KLF7: variants seen among roughly 807,000 people sequenced by gnomAD.
KLF7 encodes KLF transcription factor 7.
Under a neutral mutation model 27.3 loss-of-function variants are expected in KLF7, and 2 were observed. The observed-to-expected ratio is 0.07, with a 90% CI of 0.03 to 0.23. The LOEUF (loss-of-function observed/expected upper bound fraction) is 0.23, where lower values mean the gene tolerates loss of function less well. KLF7 is among the 10% of genes least tolerant of loss of function. The pLI is 1.00. For synonymous variants in KLF7, 165 were observed against 162.4 expected (o/e 1.02, Z -0.12); for missense variants, 221 against 394.1 (o/e 0.56, Z 3.72).
intron 1 of KLF7, among the ~76,000 whole-genome samples, chr2:207,141,158 T>C (rs141114031): frequency 1.3e-5 from 2 of 152,222 alleles, no homozygotes; most frequent in Non-Finnish European, 2.9e-5. Flanking sequence ...AAATTTCTCA[T>C]GACCAAATCT....
chr2:207,139,112 C>A (rs1051708847), intron 1 of KLF7, among the ~76,000 whole-genome samples: 1 of 152,168 alleles, frequency 6.6e-6, no homozygotes, highest in Non-Finnish European at 1.5e-5. Flanking sequence ...GGTACTGAAT[C>A]AGAGACCTGT....
intron 1 of KLF7, 41 bp downstream of exon 1, chr2:207,165,425 GC>G (rs1425476309): frequency 1.2e-6 from 2 of 1,613,022 alleles, no homozygotes; most frequent in Admixed American, 3.3e-5. Flanking sequence ...CTGCGTCTCC[GC>G]CGCCACCACA....
At chr2:207,136,889 G>A (rs538897037) in intron 1 of KLF7, among the ~76,000 whole-genome samples, 4 of 152,130 alleles carry the variant, frequency 2.6e-5, no homozygotes, top group Non-Finnish European at 4.4e-5. Flanking sequence ...TCCTCAGTGC[G>A]AGTTTTTACA....
rs2076232563 is a variant in KLF7 at position 207,079,481 on chromosome 2, G to A, written c.*1732C>T. 1 of 152,218 alleles carries A rather than the reference G, an allele frequency of 6.6e-6. No homozygotes were observed. The highest frequency in any genetic ancestry group is 1.5e-5 in the Non-Finnish European group (1 of 68,068). 9.4% of individuals were successfully genotyped at this position (152,218 alleles called of 1,614,324 possible). On this transcript the variant is annotated 3_prime_UTR_variant, in exon 4 of 4. Coordinates refer to ENST00000309446, the MANE Select transcript of KLF7 (RefSeq NM_003709.4). ...TTGTTTTATAGACGTGTCTTGAAGG[G>A]ATGGTCCCAGAATATACAAAATATA...
chr2:207,101,335 T>C (rs2076760433), intron 2 of KLF7, among the ~76,000 whole-genome samples: 1 of 152,138 alleles, frequency 6.6e-6, no homozygotes, highest in Admixed American at 6.5e-5. Context: ...ACAAAGAACA[T>C]GAGACTCAAT....
rs949376028 is a variant in KLF7 at position 207,074,409 on chromosome 2, G to T, written c.*6804C>A. 2.0e-5 allele frequency: 3 copies of T among 152,156 alleles called. No individual in the cohort carries two copies. The highest frequency in any genetic ancestry group is 2.9e-5 in the Non-Finnish European group (2 of 68,078). 9.4% of individuals were successfully genotyped at this position (152,156 alleles called of 1,614,324 possible). ...CTGGTGATGCTCTTTCCTGGAAGTC[G>T]TGTGTGGCAGAGATTTTAGTACTTT... is the stretch of plus-strand genomic sequence containing the variant. On this transcript the variant is annotated 3_prime_UTR_variant, in exon 4 of 4. Coordinates refer to ENST00000309446, the MANE Select transcript of KLF7 (RefSeq NM_003709.4).
intron 3 of KLF7, among the ~76,000 whole-genome samples, chr2:207,086,589 A>C (rs571165711): frequency 8.5e-5 from 13 of 152,192 alleles, no homozygotes; most frequent in Non-Finnish European, 1.9e-4. Flanking sequence ...CAAATCACCC[A>C]TCTCTGACAT....
chr2:207,112,481 A>AAC (rs2077064531), intron 2 of KLF7, among the ~76,000 whole-genome samples: 3 of 152,188 alleles, frequency 2.0e-5, no homozygotes, highest in Non-Finnish European at 4.4e-5. Context: ...GTGATAGGGT[A>AAC]TGGTGGATCT....
At chr2:207,136,683 T>C (rs1045595024) in intron 1 of KLF7, among the ~76,000 whole-genome samples, 2 of 152,172 alleles carry the variant, frequency 1.3e-5, no homozygotes, top group African/African-American at 4.8e-5. Context: ...ATTTAGTGTA[T>C]GTACCAGTGA....
chr2:207,098,475 A>G (rs1368825814), intron 2 of KLF7, among the ~76,000 whole-genome samples: 1 of 152,160 alleles, frequency 6.6e-6, no homozygotes, highest in East Asian at 1.9e-4. Flanking sequence ...ATTCAATTTG[A>G]TGTATTAAAT....
chr2:207,106,072 T>C (rs1403151690), intron 2 of KLF7, among the ~76,000 whole-genome samples: 2 of 152,230 alleles, frequency 1.3e-5, no homozygotes, highest in South Asian at 2.1e-4. Context: ...ATTAGTATGA[T>C]TAATTACTTT....
At chr2:207,167,084 G>C (rs2078738174), upstream of KLF7, 2 of 1,371,994 alleles carry the variant, frequency 1.5e-6, no homozygotes, top group Non-Finnish European at 1.9e-6. Flanking sequence ...AGGTAGACGT[G>C]GGGCGCAAGC....
intron 1 of KLF7, among the ~76,000 whole-genome samples, chr2:207,153,173 G>C (rs559854815): frequency 8.5e-4 from 129 of 152,206 alleles, no homozygotes; most frequent in African/African-American, 2.7e-3. Context: ...TACACACCGA[G>C]ATGATGTTAA....
intron 1 of KLF7, among the ~76,000 whole-genome samples, chr2:207,146,072 C>T (rs1200518524): frequency 6.6e-6 from 1 of 152,200 alleles, no homozygotes; most frequent in Non-Finnish European, 1.5e-5. Flanking sequence ...CCTGCTCCAG[C>T]AAGGGCCAGT....
intron 1 of KLF7, among the ~76,000 whole-genome samples, chr2:207,161,009 A>G (rs1426786315): frequency 6.6e-6 from 1 of 152,186 alleles, no homozygotes; most frequent in Non-Finnish European, 1.5e-5. Context: ...TTTTCCCCCT[A>G]CTAAGGACAG....
chr2:207,162,566 T>C (rs1460857321), intron 1 of KLF7, among the ~76,000 whole-genome samples: 1 of 152,236 alleles, frequency 6.6e-6, no homozygotes, highest in Non-Finnish European at 1.5e-5. Context: ...CTTGGAGCTA[T>C]GTGGCTAAGG....
At chr2:207,101,563 T>C (rs939940532) in intron 2 of KLF7, among the ~76,000 whole-genome samples, 1 of 152,122 alleles carries the variant, frequency 6.6e-6, no homozygotes, top group Non-Finnish European at 1.5e-5. Context: ...AGGGTAAGTA[T>C]GTGAGGAGGA....
chr2:207,113,238 T>C (rs1286116896), intron 2 of KLF7, among the ~76,000 whole-genome samples: 1 of 152,236 alleles, frequency 6.6e-6, no homozygotes, highest in African/African-American at 2.4e-5. Flanking sequence ...GTATGTAATA[T>C]TTTGCCAGTT....
chr2:207,076,672 CCTCA>C lies in KLF7; in HGVS notation c.*4537_*4540del, dbSNP rs1422866485. ...TTCCATCTCAAGTATTCCCAAAGATCCTCACTGAGGAAAGTAGGCCATCAAAGAG... is the reference window on the plus strand; with the variant it reads ...TTCCATCTCAAGTATTCCCAAAGATCCTGAGGAAAGTAGGCCATCAAAGAG... On this transcript the variant is annotated 3_prime_UTR_variant, in exon 4 of 4. Transcript: ENST00000309446. 1 of 152,142 alleles carries C rather than the reference CCTCA, an allele frequency of 6.6e-6. No homozygotes were observed. Among genetic ancestry groups the C allele is most frequent in the Non-Finnish European group, 1.5e-5 (1 of 68,032 alleles). The allele number at this position is 152,142 out of a possible 1,614,324, so 9.4% of individuals were successfully genotyped here.
Sources: gnomAD v4.1 joint callset for allele counts (sites outside exome capture counted in the v4.1 genomes callset) on GRCh38, gnomAD v4.1.1 for gene constraint, MANE v1.5 for transcripts, NCBI Gene and HGNC (gene_info 2026-07-23, HGNC 2026-07-21) for gene names.